TRIM23: variants seen among roughly 807,000 people sequenced by gnomAD.
The protein encoded by TRIM23 is E3 ubiquitin-protein ligase TRIM23.
Under a neutral mutation model 71.0 loss-of-function variants are expected in TRIM23, and 27 were observed. The ratio of observed to expected loss-of-function variants is 0.38; its 90% confidence interval spans 0.28 to 0.52. The LOEUF (loss-of-function observed/expected upper bound fraction) is 0.52, where lower values mean the gene tolerates loss of function less well. Among genes scored for constraint, TRIM23 ranks in the 20% least tolerant of loss-of-function variants. The pLI is 0.84. For synonymous variants in TRIM23, 234 were observed against 238.0 expected (o/e 0.98, Z 0.16); for missense variants, 482 against 692.3 (o/e 0.70, Z 3.41).
At chr5:65,596,094 T>C (rs1754196998) in intron 9 of TRIM23, among the ~76,000 whole-genome samples, 1 of 152,178 alleles carries the variant, frequency 6.6e-6, no homozygotes, top group African/African-American at 2.4e-5. Context: ...TAAATTCAAC[T>C]CTATACCACT....
chr5:65,596,381 C>A, intron 9 of TRIM23, 40 bp downstream of exon 9: 1 of 1,412,416 alleles, frequency 7.1e-7, no homozygotes, highest in Non-Finnish European at 1.0e-6. Flanking sequence ...AACTGTCATC[C>A]TAAAAATGTG....
At chr5:65,597,616 A>AT (rs138941474) in intron 7 of TRIM23, among the ~76,000 whole-genome samples, 28,859 of 151,796 alleles carry the variant, frequency 0.19, 3,392 homozygotes, top group South Asian at 0.32. Context: ...AACAAAACAA[A>AT]TTTTTTTTTA....
chr5:65,619,336 A>G (rs1485420826), intron 1 of TRIM23, among the ~76,000 whole-genome samples: 1 of 152,202 alleles, frequency 6.6e-6, no homozygotes, highest in Non-Finnish European at 1.5e-5. Flanking sequence ...AAAACACTTT[A>G]ATACCTTGGT....
rs1283385871 is a variant in TRIM23 at position 65,590,216 on chromosome 5, T to C, written c.*1553A>G. ...CAACACCTTTTTTATTTTTCACAGT[T>C]ATTGAAATCAGTCAAATATTAAATA... On this transcript the variant is annotated 3_prime_UTR_variant, in exon 11 of 11. Coordinates refer to ENST00000231524, the MANE Select transcript of TRIM23 (RefSeq NM_001656.4). 3.3e-6 allele frequency: 3 copies of C among 910,278 alleles called. No individual in the cohort carries two copies. Among genetic ancestry groups the C allele is most frequent in the African/African-American group, 3.4e-5 (2 of 58,780 alleles). 56.4% of individuals were successfully genotyped at this position (910,278 alleles called of 1,614,324 possible). A position where few individuals can be genotyped will look rare whatever the true frequency, so the allele number is the denominator to read the frequency against.
chr5:65,596,975 T>C lies in TRIM23; in HGVS notation c.1309+76A>G, dbSNP rs972679341. On this transcript the variant is annotated intron_variant, in intron 8 of 10. Transcript: ENST00000231524. The stretch of plus-strand genomic sequence containing the variant: ...AGAGCCCACCACCATGACAGATCAG[T>C]ATCAAATAAGACCCCAAGAACTTGG... 37 of 1,562,128 alleles carry C rather than the reference T, an allele frequency of 2.4e-5. No homozygotes were observed. In the African/African-American group the frequency reaches 4.4e-4, roughly 18 times the overall value.
chr5:65,617,020 C>T (rs542767590), intron 2 of TRIM23, among the ~76,000 whole-genome samples: 5 of 152,074 alleles, frequency 3.3e-5, no homozygotes, highest in Non-Finnish European at 7.4e-5. Flanking sequence ...CTCACCTGGC[C>T]TAAGTATAGT....
In TRIM23 at chr5:65,615,293, C is replaced by T. The variant is rs2150639812; in HGVS notation, c.245-1074G>A. Among the ~76,000 whole-genome samples, 4 of 152,266 alleles carry T rather than the reference C, an allele frequency of 2.6e-5. No individual in the cohort carries two copies. The Middle Eastern group carries it at 0.01, about 388-fold the overall frequency. On this transcript the variant is annotated intron_variant, in intron 2 of 10. Coordinates refer to ENST00000231524, the MANE Select transcript of TRIM23 (RefSeq NM_001656.4). ...AAGCATTTTCAAATACTTTTTGCAG[C>T]AACCTACCTTAAGAAATACATATAA... is the stretch of plus-strand genomic sequence containing the variant.
chr5:65,618,329 T>A, intron 1 of TRIM23, 74 bp from the exon 2 acceptor site: 2 of 1,406,532 alleles, frequency 1.4e-6, no homozygotes, highest in Non-Finnish European at 1.9e-6. Flanking sequence ...TATAAGAAAA[T>A]TCACCTAATA....
rs1753991709 is a variant in TRIM23, at chr5:65,590,555, A to C, written c.*1214T>G. 8 of 1,095,986 alleles carry C rather than the reference A, an allele frequency of 7.3e-6. No homozygotes were observed. The highest frequency in any genetic ancestry group is 7.8e-6 in the Non-Finnish European group (7 of 893,384). 67.9% of individuals were successfully genotyped at this position (1,095,986 alleles called of 1,614,324 possible). On this transcript the variant is annotated 3_prime_UTR_variant, in exon 11 of 11. Coordinates refer to ENST00000231524, the MANE Select transcript of TRIM23 (RefSeq NM_001656.4). ...CTAATGTATCAGAACATTAAAAAAA[A>C]AAAAGTCTCAATGTACCTATTTAAA...
chr5:65,592,757 A>T (rs1754079910), intron 10 of TRIM23, among the ~76,000 whole-genome samples: 1 of 152,114 alleles, frequency 6.6e-6, no homozygotes, highest in Admixed American at 6.5e-5. Context: ...ACTTTCTATA[A>T]CTTGCAGGGT....
rs202108860 is a variant in TRIM23, at chr5:65,590,251, G to A, written c.*1518C>T. 56 of 1,045,192 alleles carry A rather than the reference G, an allele frequency of 5.4e-5. No homozygotes were observed. In the Middle Eastern group the frequency reaches 1.7e-3, roughly 32 times the overall value. 64.7% of individuals were successfully genotyped at this position (1,045,192 alleles called of 1,614,324 possible). A position where few individuals can be genotyped will look rare whatever the true frequency, so the allele number is the denominator to read the frequency against. ...AGTCAAATATTAAATAATTTAATTC[G>A]GAAGTATTATTTATGCACACAAACT... On this transcript the variant is annotated 3_prime_UTR_variant, in exon 11 of 11. Coordinates refer to ENST00000231524, the MANE Select transcript of TRIM23 (RefSeq NM_001656.4).
intron 7 of TRIM23, among the ~76,000 whole-genome samples, chr5:65,599,097 C>A (rs1754290328): frequency 6.6e-6 from 1 of 152,006 alleles, no homozygotes. Context: ...TAATAAAAGA[C>A]ATCCAAATTG....
chr5:65,609,560 CT>C, intron 5 of TRIM23, 102 bp from the exon 6 acceptor site: 1 of 1,276,502 alleles, frequency 7.8e-7, no homozygotes, highest in East Asian at 2.5e-5. Context: ...AAAACTCTGT[CT>C]CTACAAAAAA....
chr5:65,621,820 TTTATTA>T (rs886220980), intron 1 of TRIM23, among the ~76,000 whole-genome samples: 1 of 151,720 alleles, frequency 6.6e-6, no homozygotes, highest in Middle Eastern at 3.4e-3. Context: ...TATGTTGTTA[TTTATTA>T]TTATTATTAT....
chr5:65,621,400 A>G (rs1754942214), intron 1 of TRIM23, among the ~76,000 whole-genome samples: 2 of 152,210 alleles, frequency 1.3e-5, no homozygotes, highest in Non-Finnish European at 2.9e-5. Context: ...CATTTTATAA[A>G]TGCTGTATTA....
intron 2 of TRIM23, among the ~76,000 whole-genome samples, chr5:65,615,517 T>G (rs1302555376): frequency 4.3e-5 from 5 of 116,550 alleles, no homozygotes; most frequent in Non-Finnish European, 9.2e-5. Flanking sequence ...CCCCCCTTCC[T>G]CCTGGCTCTT....
chr5:65,599,086 A>G (rs1207109596), intron 7 of TRIM23, among the ~76,000 whole-genome samples: 1 of 152,168 alleles, frequency 6.6e-6, no homozygotes, highest in Non-Finnish European at 1.5e-5. Context: ...GGCAAGAAGA[A>G]TAATAAAAGA....
chr5:65,599,195 T>C (rs193117660), intron 7 of TRIM23, among the ~76,000 whole-genome samples: 116 of 152,192 alleles, frequency 7.6e-4, no homozygotes, highest in African/African-American at 2.7e-3. Flanking sequence ...AAAGACCTAT[T>C]AGAATAAAGT....
chr5:65,616,928 G>A (rs1754792664), intron 2 of TRIM23, among the ~76,000 whole-genome samples: 1 of 152,062 alleles, frequency 6.6e-6, no homozygotes, highest in Non-Finnish European at 1.5e-5. Context: ...CACCATTTTG[G>A]CCAGGCTGGC....
Sources: allele counts gnomAD v4.1 joint callset (sites outside exome capture counted in the v4.1 genomes callset), GRCh38; gene constraint gnomAD v4.1.1; transcripts MANE v1.5; gene names NCBI Gene and HGNC (gene_info 2026-07-23, HGNC 2026-07-21).